The following MAPKAPK5 variants were observed in gnomAD, a reference collection of about 807,000 sequenced individuals.
MAPKAPK5 encodes the protein MAP kinase-activated protein kinase 5.
Under a neutral mutation model 65.1 loss-of-function variants are expected in MAPKAPK5, and 30 were observed. The ratio of observed to expected loss-of-function variants is 0.46; its 90% confidence interval spans 0.34 to 0.63. The LOEUF (loss-of-function observed/expected upper bound fraction) is 0.63, where lower values mean the gene tolerates loss of function less well. Ranked by LOEUF, MAPKAPK5 falls within the 20% of genes least tolerant of loss-of-function variation. The probability of loss-of-function intolerance (pLI) is 0.01; values close to 1 mark genes in which losing one functional copy is unlikely to be tolerated. For synonymous variants in MAPKAPK5, 179 were observed against 204.6 expected, an observed-to-expected ratio of 0.87 and a Z score of 1.07; for missense variants, 433 against 581.4, an observed-to-expected ratio of 0.74 and a Z score of 2.63.
chr12:111,852,489 A>G (rs572805268), intron 1 of MAPKAPK5, among the ~76,000 whole-genome samples: 63 of 152,352 alleles, frequency 4.1e-4, no homozygotes, highest in Non-Finnish European at 4.4e-4. Flanking sequence ...ACTCTATTGT[A>G]ACAATATAGT....
Position 111,867,617 on chromosome 12 carries a change from A to C in MAPKAPK5, c.232A>C (p.Ile78Leu). The stretch of plus-strand genomic sequence containing the variant: ...TGCCACACACCCAAACATAGTTCAG[A>C]TTATTGAAGTGTTTGCTAACAGTGT... Reference protein sequence around the residue: ...MCATHPNIVQIIEVFANSVQF... With the variant: ...MCATHPNIVQLIEVFANSVQF... Residue 78 changes from isoleucine to leucine, a missense_variant, in exon 4 of 14, where the codon ATT becomes CTT. By Grantham distance (5) the Ile-to-Leu change is conservative. This residue lies in a region of MAPKAPK5 where 165 missense variants were observed against 180.0 expected (regional missense o/e 0.92). Transcript: ENST00000550735. 1 of 1,613,954 alleles carries C rather than the reference A, an allele frequency of 6.2e-7. No individual in the cohort carries two copies. The highest frequency in any genetic ancestry group is 1.1e-5 in the South Asian group (1 of 91,084).
In MAPKAPK5 at chr12:111,901,643, GAGA is replaced by G. The variant is rs1253641356; in HGVS notation, c.*8585_*8587del. 15 of 269,982 alleles carry G rather than the reference GAGA, an allele frequency of 5.6e-5. No homozygotes were observed. The Middle Eastern group carries it at 2.2e-3, about 39-fold the overall frequency. The allele number at this position is 269,982 out of a possible 1,614,324, so 16.7% of individuals were successfully genotyped here. ...AGAAGTGGCCACAGAAGAAAAAGAA[GAGA>G]AGGAGGAAGAAAAAGAAGAGGAGGA... On this transcript the variant is annotated 3_prime_UTR_variant, in exon 14 of 14. Transcript: ENST00000550735.
chr12:111,853,860 G>A (rs547382053), intron 1 of MAPKAPK5, among the ~76,000 whole-genome samples: 3 of 152,260 alleles, frequency 2.0e-5, no homozygotes, highest in Non-Finnish European at 4.4e-5. Context: ...TCAGGAATGG[G>A]TGTTGAGTTT....
intron 13 of MAPKAPK5, among the ~76,000 whole-genome samples, chr12:111,890,740 C>T (rs1295453329): frequency 6.6e-6 from 1 of 152,216 alleles, no homozygotes; most frequent in Non-Finnish European, 1.5e-5. Flanking sequence ...TCATTGCAAC[C>T]TCTGCCTTCC....
At chr12:111,870,482 T>C (rs967066485) in intron 6 of MAPKAPK5, 122 bp downstream of exon 6, 3 of 633,894 alleles carry the variant, frequency 4.7e-6, no homozygotes, top group Non-Finnish European at 5.4e-6. Context: ...TTCAAACAGC[T>C]TATTTCTTCA....
At chr12:111,889,167 T>C (rs1402828217) in intron 12 of MAPKAPK5, 167 bp downstream of exon 12, 2 of 646,698 alleles carry the variant, frequency 3.1e-6, no homozygotes, top group Admixed American at 3.4e-5. Context: ...CTATGCCCAC[T>C]AAAAAGATTG....
chr12:111,883,644 T>A lies in MAPKAPK5; in HGVS notation c.724T>A (p.Tyr242Asn). Residue 242 changes from tyrosine to asparagine, a missense_variant, in exon 9 of 14, where the codon TAC becomes AAC. By Grantham distance (143) the Tyr-to-Asn change is moderately radical. This residue lies in a region of MAPKAPK5 where 99 missense variants were observed against 185.8 expected (regional missense o/e 0.53). Coordinates refer to ENST00000550735, the MANE Select transcript of MAPKAPK5 (RefSeq NM_003668.4). The surrounding 1 kb of genome is among the most constrained non-coding windows in gnomAD (Gnocchi z 4.8). ...YVMLCGYPPF[Y>N]SKHHSRTIPK... Reference sequence around the variant, plus strand: ...GATGCTGTGCGGATACCCTCCTTTTTACTCCAAACACCACAGCCGGACTAT... The same window carrying A: ...GATGCTGTGCGGATACCCTCCTTTTAACTCCAAACACCACAGCCGGACTAT... 1 of 1,614,000 alleles carries A rather than the reference T, an allele frequency of 6.2e-7. No individual in the cohort carries two copies. The highest frequency in any genetic ancestry group is 2.2e-5 in the East Asian group (1 of 44,890).
intron 13 of MAPKAPK5, among the ~76,000 whole-genome samples, chr12:111,892,088 T>C (rs567105408): frequency 7.2e-5 from 11 of 152,356 alleles, no homozygotes; most frequent in Non-Finnish European, 1.3e-4. Flanking sequence ...TGGCTTCTTT[T>C]AGTCAATTAA....
intron 1 of MAPKAPK5, among the ~76,000 whole-genome samples, chr12:111,846,745 C>T (rs902459720): frequency 2.0e-5 from 3 of 152,104 alleles, no homozygotes; most frequent in African/African-American, 7.2e-5. Flanking sequence ...GATCCACCCT[C>T]CTCGGCCTCC....
intron 7 of MAPKAPK5, among the ~76,000 whole-genome samples, chr12:111,872,867 A>C (rs1312471177): frequency 2.0e-5 from 3 of 152,136 alleles, no homozygotes; most frequent in Non-Finnish European, 4.4e-5. Flanking sequence ...CCCCATTTTA[A>C]GATTCTTAAC....
chr12:111,869,445 G>GTCA (rs2069711636), intron 5 of MAPKAPK5, among the ~76,000 whole-genome samples: 1 of 152,160 alleles, frequency 6.6e-6, no homozygotes. Flanking sequence ...TTCTTGCAGA[G>GTCA]GTGAAAAGCT....
intron 1 of MAPKAPK5, among the ~76,000 whole-genome samples, chr12:111,857,278 G>A (rs537933289): frequency 3.4e-5 from 5 of 147,406 alleles, no homozygotes; most frequent in South Asian, 4.3e-4. Flanking sequence ...CCTCGCTCCC[G>A]TTGCTTAGGC....
In MAPKAPK5 at chr12:111,846,500, CT is replaced by C. The variant is rs200305971; in HGVS notation, c.36+3746del. ...ATCAATAATTCATAAGTTTCTTTTT[CT>C]TTTTTTTTTTTTTTGAGACGGTCTT... On this transcript the variant is annotated intron_variant, in intron 1 of 13. Coordinates refer to ENST00000550735, the MANE Select transcript of MAPKAPK5 (RefSeq NM_003668.4). Among the ~76,000 whole-genome samples, 706 of 107,026 alleles carry C rather than the reference CT, an allele frequency of 6.6e-3. 1 individual carries two copies. The highest frequency in any genetic ancestry group is 0.014 in the Admixed American group (158 of 11,680). The allele number at this position is 107,026 out of a possible 152,430, so 70.2% of individuals were successfully genotyped here. A position where few individuals can be genotyped will look rare whatever the true frequency, so the allele number is the denominator to read the frequency against.
chr12:111,901,415 T>C lies in MAPKAPK5; in HGVS notation c.*8354T>C. Reference sequence around the variant, plus strand: ...TAGGTGGGACACCTTCAGGAGAAGGTGAAAATCACAATATGACTCATTCCA... The same window carrying C: ...TAGGTGGGACACCTTCAGGAGAAGGCGAAAATCACAATATGACTCATTCCA... On this transcript the variant is annotated 3_prime_UTR_variant, in exon 14 of 14. Coordinates refer to ENST00000550735, the MANE Select transcript of MAPKAPK5 (RefSeq NM_003668.4). The C allele has an allele frequency of 2.2e-6, 1 of 456,010 alleles. No individual in the cohort carries two copies. Among genetic ancestry groups the C allele is most frequent in the Non-Finnish European group, 4.4e-6 (1 of 226,778 alleles). 28.2% of individuals were successfully genotyped at this position (456,010 alleles called of 1,614,324 possible).
At chr12:111,849,280 C>T (rs550802347) in intron 1 of MAPKAPK5, among the ~76,000 whole-genome samples, 2 of 140,000 alleles carry the variant, frequency 1.4e-5, no homozygotes, top group East Asian at 2.2e-4. Flanking sequence ...GAGACAAAGT[C>T]TTGCTGCTCT....
At chr12:111,867,106 T>C (rs2069640157) in intron 3 of MAPKAPK5, among the ~76,000 whole-genome samples, 1 of 151,900 alleles carries the variant, frequency 6.6e-6, no homozygotes, top group South Asian at 2.1e-4. Flanking sequence ...ATTTTGTTTG[T>C]ATTTTTTGTA....
At chr12:111,884,486 C>T (rs921783333) in intron 9 of MAPKAPK5, among the ~76,000 whole-genome samples, 3 of 152,266 alleles carry the variant, frequency 2.0e-5, no homozygotes, top group South Asian at 2.1e-4. Context: ...GCTGGGATTA[C>T]AGGCGTGAGC....
intron 1 of MAPKAPK5, among the ~76,000 whole-genome samples, chr12:111,863,145 C>T (rs556671475): frequency 1.1e-4 from 17 of 152,214 alleles, no homozygotes; most frequent in African/African-American, 3.9e-4. Context: ...GTAGAGGACG[C>T]CAGAGCCATA....
intron 1 of MAPKAPK5, among the ~76,000 whole-genome samples, chr12:111,854,829 A>G (rs535259005): frequency 1.9e-4 from 29 of 152,336 alleles, no homozygotes; most frequent in African/African-American, 6.7e-4. Flanking sequence ...ACAGAGAACT[A>G]TCTGGCTCAA....
Sources: gnomAD v4.1 joint callset for allele counts (sites outside exome capture counted in the v4.1 genomes callset) on GRCh38, gnomAD v4.1.1 for gene constraint, gnomAD v4.1.1 regional missense constraint, Gnocchi (gnomAD v3.1) non-coding constraint, MANE v1.5 for transcripts, NCBI Gene and HGNC (gene_info 2026-07-23, HGNC 2026-07-21) for gene names.